The following KDM2B variants were observed in gnomAD, a reference collection of about 807,000 sequenced individuals.
KDM2B encodes the protein lysine demethylase 2B.
Under a neutral mutation model 150.0 loss-of-function variants are expected in KDM2B, and 26 were observed. The observed-to-expected ratio is 0.17, with a 90% CI of 0.13 to 0.24. The LOEUF (loss-of-function observed/expected upper bound fraction) is 0.24, where lower values mean the gene tolerates loss of function less well. Ranked by LOEUF, KDM2B falls within the 10% of genes least tolerant of loss-of-function variation. The pLI, the probability that KDM2B is intolerant of heterozygous loss-of-function variation, is 1.00. For missense variants in KDM2B, 1,265 were observed against 1,816.9 expected, an observed-to-expected ratio of 0.70 and a Z score of 5.52; for synonymous variants, 734 against 729.5, an observed-to-expected ratio of 1.01 and a Z score of -0.10.
chr12:121,433,065 C>T (rs1310614865), intron 22 of KDM2B: 1 of 448,128 alleles, frequency 2.2e-6, no homozygotes, highest in Non-Finnish European at 4.5e-6. Flanking sequence ...CCTGGAGGCC[C>T]AGCTGGCTCC....
chr12:121,416,159 G>C, the KDM2B span: 1 of 1,613,322 alleles, frequency 6.2e-7, no homozygotes. Context: ...TCCTTTTTAG[G>C]CGGGTGCCAC....
chr12:121,565,333 T>A (rs28793593), intron 4 of KDM2B, among the ~76,000 whole-genome samples: 77,342 of 150,556 alleles, frequency 0.51, 24,207 homozygotes, highest in Non-Finnish European at 0.7. Flanking sequence ...TTTTTTTTTT[T>A]AAGACAGAGT....
the KDM2B span, among the ~76,000 whole-genome samples, chr12:121,414,343 C>G: frequency 1.3e-4 from 20 of 152,326 alleles, 1 homozygote; most frequent in South Asian, 3.9e-3. Flanking sequence ...AACACTATAG[C>G]TTTTATTTTA....
the KDM2B span, among the ~76,000 whole-genome samples, chr12:121,421,371 TAAA>T: frequency 6.3e-4 from 29 of 46,368 alleles, no homozygotes; most frequent in African/African-American, 1.6e-3. Flanking sequence ...ATCCCATCTC[TAAA>T]AAAAAAAAAA....
chr12:121,432,636 A>G (rs1290204453), intron 22 of KDM2B, among the ~76,000 whole-genome samples: 1 of 152,222 alleles, frequency 6.6e-6, no homozygotes, highest in East Asian at 1.9e-4. Context: ...AACTGCAGAT[A>G]TCCCAGAGGC....
intron 12 of KDM2B, among the ~76,000 whole-genome samples, chr12:121,473,373 A>G (rs1430554822): frequency 2.0e-5 from 3 of 148,780 alleles, no homozygotes; most frequent in Non-Finnish European, 3.0e-5. Context: ...CCTGGGTGAC[A>G]ATGAGACTCT....
intron 6 of KDM2B, among the ~76,000 whole-genome samples, chr12:121,545,571 C>G (rs376105323): frequency 6.6e-6 from 1 of 152,070 alleles, no homozygotes. Context: ...TGTCACCCAG[C>G]GCAGTCTCTT....
At position 121,575,699 on chromosome 12, in the gene KDM2B, A is replaced by C; in HGVS notation, c.350+82T>G. On this transcript the variant is annotated intron_variant, in intron 3 of 22. Coordinates refer to ENST00000377071, the MANE Select transcript of KDM2B (RefSeq NM_032590.5). This position sits in a 1 kb window ranked among gnomAD's most constrained non-coding sequence, Gnocchi z 4.4. Reference sequence around the variant, plus strand: ...CTTCTCAGTGATGAGAGGTGGGAAGAGGGTGGAAGAAATCCATCCCAAGCT... The same window carrying C: ...CTTCTCAGTGATGAGAGGTGGGAAGCGGGTGGAAGAAATCCATCCCAAGCT... 1.0e-6 allele frequency: 1 copy of C among 964,440 alleles called. No homozygotes were observed. 59.7% of individuals were successfully genotyped at this position (964,440 alleles called of 1,614,324 possible).
intron 9 of KDM2B, among the ~76,000 whole-genome samples, chr12:121,514,592 T>G (rs933356586): frequency 1.3e-5 from 2 of 151,590 alleles, no homozygotes; most frequent in Non-Finnish European, 2.9e-5. Flanking sequence ...GCTCCCTGGC[T>G]CTCTTGCCAA....
intron 8 of KDM2B, among the ~76,000 whole-genome samples, chr12:121,525,912 A>G (rs1242492993): frequency 1.3e-5 from 2 of 152,160 alleles, no homozygotes; most frequent in African/African-American, 2.4e-5. Flanking sequence ...ATCCCCACTT[A>G]TATGACAAAT....
chr12:121,528,901 C>T (rs1179890979), intron 8 of KDM2B, among the ~76,000 whole-genome samples: 3 of 152,012 alleles, frequency 2.0e-5, no homozygotes, highest in African/African-American at 7.2e-5. Context: ...CTCAAAAAAA[C>T]AAAACAAAAC....
At chr12:121,558,414 A>G (rs1890057401) in intron 4 of KDM2B, among the ~76,000 whole-genome samples, 1 of 151,654 alleles carries the variant, frequency 6.6e-6, no homozygotes, top group Non-Finnish European at 1.5e-5. Flanking sequence ...ACACAGAAGG[A>G]CAGACATGTG....
intron 9 of KDM2B, among the ~76,000 whole-genome samples, chr12:121,517,258 A>G (rs1473575386): frequency 6.6e-6 from 1 of 152,124 alleles, no homozygotes; most frequent in East Asian, 1.9e-4. Flanking sequence ...TTTCATCTAC[A>G]AGGGTTGGGG....
At chr12:121,486,291 T>C (rs1882744954) in intron 12 of KDM2B, among the ~76,000 whole-genome samples, 1 of 148,264 alleles carries the variant, frequency 6.7e-6, no homozygotes, top group Non-Finnish European at 1.5e-5. Flanking sequence ...GTATTTTTAG[T>C]AGACAGGGTT....
rs1471307384 is a variant in KDM2B at position 121,452,594 on chromosome 12, C to T, written c.1959+526G>A. On this transcript the variant is annotated intron_variant, in intron 13 of 22. Coordinates refer to ENST00000377071, the MANE Select transcript of KDM2B (RefSeq NM_032590.5). The surrounding 1 kb of genome is among the most constrained non-coding windows in gnomAD (Gnocchi z 4.4). ...AAGGGCAAACCCCGCGACCTCGCCC[C>T]GTTGCGAAGTCCATGTCCACTGCCC... is the stretch of plus-strand genomic sequence containing the variant. Among the ~76,000 whole-genome samples, 1 of 152,282 alleles carries T rather than the reference C, an allele frequency of 6.6e-6. No individual in the cohort carries two copies. The highest frequency in any genetic ancestry group is 1.5e-5 in the Non-Finnish European group (1 of 68,052).
intron 4 of KDM2B, among the ~76,000 whole-genome samples, chr12:121,565,560 G>A (rs1450393238): frequency 6.6e-6 from 1 of 151,856 alleles, no homozygotes; most frequent in African/African-American, 2.4e-5. Context: ...CAGGTGATCT[G>A]CCCACCTTGG....
chr12:121,524,459 C>T (rs1484500595), intron 8 of KDM2B, among the ~76,000 whole-genome samples: 1 of 152,174 alleles, frequency 6.6e-6, no homozygotes, highest in African/African-American at 2.4e-5. Context: ...GAGGAGGGGG[C>T]AGGGGATCTG....
Position 121,442,982 on chromosome 12 carries a change from A to T in KDM2B, c.2604+10T>A. On this transcript the variant is annotated intron_variant, in intron 18 of 22. Transcript: ENST00000377071. This position sits in a 1 kb window ranked among gnomAD's most constrained non-coding sequence, Gnocchi z 7.7. ...AGGCCTGGGGCACAGGAGGGAGGGG[A>T]AGATGGTACCTTTTTCCTGAAAAGC... 1 of 1,613,062 alleles carries T rather than the reference A, an allele frequency of 6.2e-7. No homozygotes were observed.
chr12:121,580,513 A>C (rs1891891337), intron 1 of KDM2B: 1 of 1,237,648 alleles, frequency 8.1e-7, no homozygotes, highest in African/African-American at 1.6e-5. Flanking sequence ...AGTTGTGTGC[A>C]GAGCTGACTT....
Sources: allele counts gnomAD v4.1 joint callset (sites outside exome capture counted in the v4.1 genomes callset), GRCh38; gene constraint gnomAD v4.1.1; non-coding constraint Gnocchi (gnomAD v3.1); transcripts MANE v1.5; gene names NCBI Gene and HGNC (gene_info 2026-07-23, HGNC 2026-07-21).